Variants in NKAIN2 observed in about 807,000 individuals in gnomAD.
The protein encoded by NKAIN2 is sodium/potassium-transporting ATPase subunit beta-1-interacting protein 2.
In NKAIN2, 14 loss-of-function variants were observed where a neutral mutation model predicts 32.6. That is an observed-to-expected ratio of 0.43 (90% CI 0.28 to 0.67). The LOEUF (loss-of-function observed/expected upper bound fraction) is 0.67, where lower values mean the gene tolerates loss of function less well. Among genes scored for constraint, NKAIN2 ranks in the 30% least tolerant of loss-of-function variants. The probability of loss-of-function intolerance (pLI) is 0.17; values close to 1 mark genes in which losing one functional copy is unlikely to be tolerated. For missense variants in NKAIN2, 198 were observed against 258.3 expected (o/e 0.77, Z 1.60); for synonymous variants, 80 against 87.2 (o/e 0.92, Z 0.46).
chr6:123,898,698 G>GTCA (rs1159620432), intron 1 of NKAIN2, among the ~76,000 whole-genome samples: 3 of 152,080 alleles, frequency 2.0e-5, no homozygotes, highest in Non-Finnish European at 2.9e-5. Flanking sequence ...TTATTAGGAA[G>GTCA]TCATCATCAT....
chr6:124,112,728 T>C (rs1183330435), intron 1 of NKAIN2, among the ~76,000 whole-genome samples: 1 of 152,090 alleles, frequency 6.6e-6, no homozygotes, highest in Non-Finnish European at 1.5e-5. Context: ...TTCCATAAAT[T>C]TCTTAAGCTT....
intron 1 of NKAIN2, among the ~76,000 whole-genome samples, chr6:123,921,883 A>T (rs940924715): frequency 2.6e-5 from 4 of 151,826 alleles, no homozygotes; most frequent in Admixed American, 6.6e-5. Flanking sequence ...GTGAGCTGAG[A>T]TTGCACCACT....
At chr6:124,517,914 G>T (rs1370999678) in intron 3 of NKAIN2, among the ~76,000 whole-genome samples, 1 of 151,912 alleles carries the variant, frequency 6.6e-6, no homozygotes, top group Admixed American at 6.6e-5. Context: ...AGTAACATTT[G>T]ATTTGAAGTA....
At chr6:124,122,311 G>T (rs1785922590) in intron 1 of NKAIN2, among the ~76,000 whole-genome samples, 1 of 151,978 alleles carries the variant, frequency 6.6e-6, no homozygotes, top group African/African-American at 2.4e-5. Context: ...TTGTGAACAT[G>T]TTATCTTTAA....
chr6:124,244,077 A>T (rs1236014894), intron 1 of NKAIN2, among the ~76,000 whole-genome samples: 1 of 87,214 alleles, frequency 1.1e-5, no homozygotes, highest in African/African-American at 4.9e-5. Context: ...TTTTTTTTTT[A>T]ATAATTTAAT....
intron 1 of NKAIN2, among the ~76,000 whole-genome samples, chr6:123,973,785 C>T (rs1014368553): frequency 2.6e-5 from 4 of 151,852 alleles, no homozygotes; most frequent in Non-Finnish European, 4.4e-5. Flanking sequence ...AGATTTGGGG[C>T]CAAAAAAGAT....
At position 124,761,650 on chromosome 6, in the gene NKAIN2, C is replaced by A. The variant is rs564219842; in HGVS notation, c.475-29689C>A. 4.6e-5 allele frequency among the ~76,000 whole-genome samples: 7 copies of A among 152,300 alleles called. No homozygotes were observed. The East Asian group carries it at 1.2e-3, about 25-fold the overall frequency. On this transcript the variant is annotated intron_variant, in intron 4 of 6. Transcript: ENST00000368417. ...TATGCTTTCAAACATTTTACCCCTT[C>A]CTTACTACGTTTTCTTTGACATCCT...
chr6:124,822,950 T>C (rs1340862314), intron 6 of NKAIN2, among the ~76,000 whole-genome samples: 1 of 152,216 alleles, frequency 6.6e-6, no homozygotes, highest in African/African-American at 2.4e-5. Context: ...AACATTGCAT[T>C]CTTTTTGGCA....
At chr6:124,110,293 A>G (rs940614331) in intron 1 of NKAIN2, among the ~76,000 whole-genome samples, 10 of 152,120 alleles carry the variant, frequency 6.6e-5, no homozygotes, top group African/African-American at 2.4e-4. Flanking sequence ...GATCATTTCA[A>G]AAGACACATA....
intron 1 of NKAIN2, among the ~76,000 whole-genome samples, chr6:123,905,605 A>G (rs1774827518): frequency 6.6e-6 from 1 of 152,152 alleles, no homozygotes; most frequent in African/African-American, 2.4e-5. Flanking sequence ...TCTAGTTCTA[A>G]TGTACCTAAT....
chr6:124,822,177 C>A (rs937445494), intron 6 of NKAIN2, among the ~76,000 whole-genome samples: 1 of 152,116 alleles, frequency 6.6e-6, no homozygotes, highest in African/African-American at 2.4e-5. Context: ...GCCCACAAGA[C>A]CAATCATCTG....
rs115859877 is a variant in NKAIN2, at chr6:124,378,465, A to G, written c.273+23118A>G. On this transcript the variant is annotated intron_variant, in intron 3 of 6. Transcript: ENST00000368417. ...AAGCACTGAAGGACATCCTGTTCCT[A>G]TGAGTGACTGGAGCAGAGTCTTTGC... Among the ~76,000 whole-genome samples the G allele has an allele frequency of 1.5e-3, 231 of 152,266 alleles. 1 individual carries two copies. Among genetic ancestry groups the G allele is most frequent in the African/African-American group, 5.1e-3 (214 of 41,568 alleles).
At chr6:124,706,509 A>AC (rs1775074918) in intron 4 of NKAIN2, among the ~76,000 whole-genome samples, 2 of 151,926 alleles carry the variant, frequency 1.3e-5, no homozygotes, top group Non-Finnish European at 2.9e-5. Flanking sequence ...AAAAAACAAA[A>AC]AAAAGATTGA....
In NKAIN2 at chr6:123,997,870, T is replaced by A. The variant is rs1779698262; in HGVS notation, c.54+193616T>A. Among the ~76,000 whole-genome samples, 4 of 152,152 alleles carry A rather than the reference T, an allele frequency of 2.6e-5. No individual in the cohort carries two copies. In the South Asian group the frequency reaches 8.3e-4, roughly 32 times the overall value. On this transcript the variant is annotated intron_variant, in intron 1 of 6. Coordinates refer to ENST00000368417, the MANE Select transcript of NKAIN2 (RefSeq NM_001040214.3). The stretch of plus-strand genomic sequence containing the variant: ...CTCCCGCCTCGGCCTCCCAAAGTGC[T>A]GGGATTACAGGTGTGAGCCACCGTG...
intron 1 of NKAIN2, among the ~76,000 whole-genome samples, chr6:124,069,500 A>G (rs779178723): frequency 6.6e-6 from 1 of 152,092 alleles, no homozygotes; most frequent in South Asian, 2.1e-4. Context: ...AAGCAGCCTC[A>G]TTCTGTTTTT....
intron 1 of NKAIN2, among the ~76,000 whole-genome samples, chr6:124,029,878 C>G (rs1781329151): frequency 1.3e-5 from 2 of 152,044 alleles, no homozygotes. Flanking sequence ...ACTGAGAACT[C>G]TACTGTGAAC....
chr6:124,441,661 C>T (rs896269891), intron 3 of NKAIN2, among the ~76,000 whole-genome samples: 1 of 152,036 alleles, frequency 6.6e-6, no homozygotes, highest in South Asian at 2.1e-4. Context: ...TGATTCTATT[C>T]CCCAGCCTTT....
At chr6:124,358,643 T>C (rs921770999) in intron 3 of NKAIN2, among the ~76,000 whole-genome samples, 5 of 152,204 alleles carry the variant, frequency 3.3e-5, no homozygotes, top group Non-Finnish European at 7.3e-5. Flanking sequence ...TGTAAATTTG[T>C]TTGAGTTCAT....
chr6:123,905,259 C>T (rs1774808176), intron 1 of NKAIN2, among the ~76,000 whole-genome samples: 1 of 152,020 alleles, frequency 6.6e-6, no homozygotes, highest in African/African-American at 2.4e-5. Flanking sequence ...TCCCTTGTCC[C>T]TCCAAGTGCT....
Sources: gnomAD v4.1 joint callset for allele counts (sites outside exome capture counted in the v4.1 genomes callset) on GRCh38, gnomAD v4.1.1 for gene constraint, MANE v1.5 for transcripts, NCBI Gene and HGNC (gene_info 2026-07-23, HGNC 2026-07-21) for gene names.